Variants in ADAMTS2 observed in about 807,000 individuals in gnomAD.
ADAMTS2 encodes A disintegrin and metalloproteinase with thrombospondin motifs 2.
In ADAMTS2, 50 loss-of-function variants were observed where a neutral mutation model predicts 123.0. The ratio of observed to expected loss-of-function variants is 0.41; its 90% CI spans 0.32 to 0.51. The LOEUF is 0.51. Ranked by LOEUF, ADAMTS2 falls within the 20% of genes least tolerant of loss-of-function variation. The probability of loss-of-function intolerance (pLI) is 0.35; values close to 1 mark genes in which losing one functional copy is unlikely to be tolerated. For synonymous variants in ADAMTS2, 678 were observed against 695.4 expected (o/e 0.98, Z 0.39); for missense variants, 1,494 against 1,705.2 (o/e 0.88, Z 2.18).
At chr5:179,231,740 G>A (rs1342202778) in intron 3 of ADAMTS2, among the ~76,000 whole-genome samples, 1 of 151,992 alleles carries the variant, frequency 6.6e-6, no homozygotes, top group Non-Finnish European at 1.5e-5. Context: ...ACACATGAGA[G>A]TCTTCTCGGT....
chr5:179,299,864 G>A (rs904751790), intron 2 of ADAMTS2, among the ~76,000 whole-genome samples: 7 of 151,984 alleles, frequency 4.6e-5, no homozygotes, highest in Admixed American at 1.3e-4. Flanking sequence ...GGAGGCTGAG[G>A]CGGGCGGATC....
At chr5:179,207,355 G>A (rs1221235129) in intron 4 of ADAMTS2, among the ~76,000 whole-genome samples, 158 bp downstream of exon 4, 1 of 152,116 alleles carries the variant, frequency 6.6e-6, no homozygotes, top group African/African-American at 2.4e-5. Flanking sequence ...TCTCACCTGG[G>A]GACCCAGCAA....
At position 179,334,321 on chromosome 5, in the gene ADAMTS2, G is replaced by T. The variant is rs369429026; in HGVS notation, c.534+9446C>A. Among the ~76,000 whole-genome samples, 150 of 152,316 alleles carry T rather than the reference G, an allele frequency of 9.8e-4. 3 individuals carry two copies. The South Asian group carries it at 0.029, about 29-fold the overall frequency. On this transcript the variant is annotated intron_variant, in intron 2 of 21. Coordinates refer to ENST00000251582, the MANE Select transcript of ADAMTS2 (RefSeq NM_014244.5). Reference sequence around the variant, plus strand: ...GTTTCATTCCTGGCCCAGCAAAGTGGACAGCTGAGGCCGAGGCTGAGAACA... The same window carrying T: ...GTTTCATTCCTGGCCCAGCAAAGTGTACAGCTGAGGCCGAGGCTGAGAACA...
rs1054382521 is a variant in ADAMTS2, at chr5:179,262,176, C to T, written c.688+10735G>A. ...TGACTCCTGCACGTGGCCCAGACCA[C>T]CTAACCTGCCACCCCCACCAGCACA... On this transcript the variant is annotated intron_variant, in intron 3 of 21. Transcript: ENST00000251582. The surrounding 1 kb of genome is among the most constrained non-coding windows in gnomAD (Gnocchi z 5.9). Among the ~76,000 whole-genome samples the T allele has an allele frequency of 2.0e-5, 3 of 152,120 alleles. No homozygotes were observed. The highest frequency in any genetic ancestry group is 4.4e-5 in the Non-Finnish European group (3 of 68,012).
chr5:179,288,706 G>C (rs550103661), intron 2 of ADAMTS2, among the ~76,000 whole-genome samples: 10 of 152,254 alleles, frequency 6.6e-5, no homozygotes, highest in Admixed American at 5.9e-4. Context: ...CAAAGGCGCC[G>C]TATCCAGAAT....
chr5:179,137,666 G>T (rs931554945), intron 12 of ADAMTS2, 103 bp downstream of exon 12: 2 of 1,461,740 alleles, frequency 1.4e-6, no homozygotes, highest in East Asian at 2.5e-5. Flanking sequence ...GCCCAGGGTC[G>T]CGGCAGCCTT....
Position 179,113,999 on chromosome 5 carries a change from A to T in ADAMTS2, c.3504T>A (p.His1168Gln). The T allele has an allele frequency of 2.5e-6, 4 of 1,614,076 alleles. No homozygotes were observed. The highest frequency in any genetic ancestry group is 3.4e-6 in the Non-Finnish European group (4 of 1,180,018). Residue 1168 changes from histidine (H) to glutamine (Q), a missense_variant, in exon 22 of 22, where the codon CAT becomes CAA. By Grantham distance (24) the His-to-Gln change is conservative. Coordinates refer to ENST00000251582, the MANE Select transcript of ADAMTS2 (RefSeq NM_014244.5). ...GTGGCTGGACTTCATCTTCCAGGCC[A>T]TGGATTTTGTAGGGTTCATCTACGG... ...TNAVDEPYKI[H>Q]GLEDEVQPPN...
chr5:179,275,925 C>A (rs1383309727), intron 2 of ADAMTS2, among the ~76,000 whole-genome samples: 1 of 152,198 alleles, frequency 6.6e-6, no homozygotes, highest in African/African-American at 2.4e-5. Context: ...GGGCAAGGGG[C>A]GCAGGACCCT....
intron 10 of ADAMTS2, among the ~76,000 whole-genome samples, chr5:179,142,528 C>T (rs1006772880): frequency 1.6e-4 from 25 of 152,230 alleles, no homozygotes; most frequent in African/African-American, 5.3e-4. Flanking sequence ...AAAAACAATA[C>T]AGCAATCAAT....
intron 3 of ADAMTS2, among the ~76,000 whole-genome samples, chr5:179,237,131 C>T (rs1002838420): frequency 1.3e-5 from 2 of 152,170 alleles, no homozygotes; most frequent in Non-Finnish European, 2.9e-5. Context: ...CATGTGGTGG[C>T]TCACATCTCT....
rs1766557412 is a variant in ADAMTS2, at chr5:179,272,285, TG to T, written c.688+625del. On this transcript the variant is annotated intron_variant, in intron 3 of 21. Coordinates refer to ENST00000251582, the MANE Select transcript of ADAMTS2 (RefSeq NM_014244.5). This position sits in a 1 kb window ranked among gnomAD's most constrained non-coding sequence, Gnocchi z 5.8. ...CACGTTTCTGGGCCCAGGGCACACG[TG>T]GGTTCTGAGTTGAAAAAGACAGACG... Among the ~76,000 whole-genome samples, 1 of 152,104 alleles carries T rather than the reference TG, an allele frequency of 6.6e-6. No homozygotes were observed. Among genetic ancestry groups the T allele is most frequent in the African/African-American group, 2.4e-5 (1 of 41,420 alleles).
At chr5:179,300,548 G>A (rs1756486881) in intron 2 of ADAMTS2, among the ~76,000 whole-genome samples, 1 of 152,082 alleles carries the variant, frequency 6.6e-6, no homozygotes, top group African/African-American at 2.4e-5. Context: ...AACACTTTTT[G>A]GCTGGTCTTT....
intron 4 of ADAMTS2, among the ~76,000 whole-genome samples, chr5:179,195,000 C>T (rs1467548274): frequency 6.6e-6 from 1 of 152,200 alleles, no homozygotes; most frequent in Non-Finnish European, 1.5e-5. Context: ...CAGGCCTTTG[C>T]GCGCGCTGTG....
Position 179,155,091 on chromosome 5 carries a change from C to A in ADAMTS2, c.1133-172G>T, listed in dbSNP as rs1486105447. 6.6e-6 allele frequency among the ~76,000 whole-genome samples: 1 copy of A among 152,256 alleles called. No homozygotes were observed. The highest frequency in any genetic ancestry group is 1.5e-5 in the Non-Finnish European group (1 of 68,044). Reference sequence around the variant, plus strand: ...AGACACCACAGCAGACAGCTCATAGCCTGTGACATCTGGCTGACAGCAGGC... The same window carrying A: ...AGACACCACAGCAGACAGCTCATAGACTGTGACATCTGGCTGACAGCAGGC... On this transcript the variant is annotated intron_variant, in intron 6 of 21. Transcript: ENST00000251582. The surrounding 1 kb of genome is among the most constrained non-coding windows in gnomAD (Gnocchi z 5.1).
intron 3 of ADAMTS2, among the ~76,000 whole-genome samples, chr5:179,255,349 C>A (rs1213968276): frequency 6.6e-6 from 1 of 152,136 alleles, no homozygotes; most frequent in African/African-American, 2.4e-5. Flanking sequence ...ACCATAGCAG[C>A]GTCATTTGTC....
rs1022911243 is a variant in ADAMTS2, at chr5:179,111,832, C to T, written c.*2035G>A. On this transcript the variant is annotated 3_prime_UTR_variant, in exon 22 of 22. Coordinates refer to ENST00000251582, the MANE Select transcript of ADAMTS2 (RefSeq NM_014244.5). Reference sequence around the variant, plus strand: ...GGGTTCAACCAACAATGGAAAGCCTCGGGCTCCGTTTCCTAATTACAGAGG... The same window carrying T: ...GGGTTCAACCAACAATGGAAAGCCTTGGGCTCCGTTTCCTAATTACAGAGG... 3.3e-5 allele frequency: 5 copies of T among 152,332 alleles called. No individual in the cohort carries two copies. The highest frequency in any genetic ancestry group is 5.9e-5 in the Non-Finnish European group (4 of 68,120). The allele number at this position is 152,332 out of a possible 1,614,324, so 9.4% of individuals were successfully genotyped here.
chr5:179,139,382 G>A (rs1169169237), intron 11 of ADAMTS2, among the ~76,000 whole-genome samples: 1 of 152,124 alleles, frequency 6.6e-6, no homozygotes, highest in African/African-American at 2.4e-5. Context: ...CACAGGGCAT[G>A]GGGCCTGCGT....
In ADAMTS2 at chr5:179,242,265, C is replaced by T. The variant is rs1765687128; in HGVS notation, c.688+30646G>A. Among the ~76,000 whole-genome samples, 1 of 152,180 alleles carries T rather than the reference C, an allele frequency of 6.6e-6. No individual in the cohort carries two copies. The highest frequency in any genetic ancestry group is 1.5e-5 in the Non-Finnish European group (1 of 68,038). On this transcript the variant is annotated intron_variant, in intron 3 of 21. Coordinates refer to ENST00000251582, the MANE Select transcript of ADAMTS2 (RefSeq NM_014244.5). The surrounding 1 kb of genome is among the most constrained non-coding windows in gnomAD (Gnocchi z 4.2). ...GGCAGCCTCGTGTGGGCCAGCGGTG[C>T]CTGCTGTCTTGCTCGCGTGTGCCAG...
chr5:179,302,060 C>T (rs935618739), intron 2 of ADAMTS2, among the ~76,000 whole-genome samples: 8 of 152,206 alleles, frequency 5.3e-5, no homozygotes, highest in East Asian at 1.9e-4. Context: ...ACAGCCCTTC[C>T]GCCAGCCTCT....
Sources: allele counts gnomAD v4.1 joint callset (sites outside exome capture counted in the v4.1 genomes callset), GRCh38; gene constraint gnomAD v4.1.1; non-coding constraint Gnocchi (gnomAD v3.1); transcripts MANE v1.5; gene names NCBI Gene and HGNC (gene_info 2026-07-23, HGNC 2026-07-21).